CNBD1: variants seen among roughly 807,000 people sequenced by gnomAD.
CNBD1 encodes the protein cyclic nucleotide binding domain containing 1.
Under a neutral mutation model 54.4 loss-of-function variants are expected in CNBD1, and 71 were observed. The ratio of observed to expected loss-of-function variants is 1.30; its 90% confidence interval spans 1.08 to 1.59. The LOEUF (loss-of-function observed/expected upper bound fraction) is 1.59. CNBD1 is among the 40% of genes most tolerant of loss of function. The pLI is 0.00. For missense variants in CNBD1, 659 were observed against 518.0 expected (o/e 1.27, Z -2.64); for synonymous variants, 182 against 170.7 (o/e 1.07, Z -0.51).
At chr8:87,091,004 G>C (rs1163458077) in intron 4 of CNBD1, among the ~76,000 whole-genome samples, 1 of 151,996 alleles carries the variant, frequency 6.6e-6, no homozygotes, top group Non-Finnish European at 1.5e-5. Flanking sequence ...GCCGGGCATG[G>C]TGCTGGGCAC....
chr8:87,368,003 A>G (rs1466558491), intron 10 of CNBD1, among the ~76,000 whole-genome samples: 1 of 151,984 alleles, frequency 6.6e-6, no homozygotes, highest in African/African-American at 2.4e-5. Context: ...CTTTCCTAAA[A>G]AGACAAAAAT....
chr8:86,939,989 A>C (rs1009435204), intron 4 of CNBD1, among the ~76,000 whole-genome samples: 1 of 152,110 alleles, frequency 6.6e-6, no homozygotes, highest in African/African-American at 2.4e-5. Flanking sequence ...CCATTATTTT[A>C]AAATTAAACT....
intron 6 of CNBD1, among the ~76,000 whole-genome samples, chr8:87,281,078 A>G (rs1288355575): frequency 3.3e-5 from 5 of 151,646 alleles, no homozygotes; most frequent in African/African-American, 4.8e-5. Context: ...CAGAATATAA[A>G]GTAGACCATG....
intron 5 of CNBD1, among the ~76,000 whole-genome samples, chr8:87,215,822 C>G (rs1814197886): frequency 6.6e-6 from 1 of 152,130 alleles, no homozygotes; most frequent in Non-Finnish European, 1.5e-5. Context: ...TTGGAACCAT[C>G]ACAGCATCCA....
At chr8:86,978,729 G>T (rs1808401330) in intron 4 of CNBD1, among the ~76,000 whole-genome samples, 1 of 151,726 alleles carries the variant, frequency 6.6e-6, no homozygotes. Context: ...TTTTAGTAGA[G>T]ATGGGGTTTC....
At chr8:87,297,085 G>C (rs1432748304) in intron 8 of CNBD1, among the ~76,000 whole-genome samples, 1 of 149,930 alleles carries the variant, frequency 6.7e-6, no homozygotes, top group Non-Finnish European at 1.5e-5. Context: ...GGCTGAGGCA[G>C]GAGAATGGCG....
chr8:86,948,708 A>G (rs545057554), intron 4 of CNBD1, among the ~76,000 whole-genome samples: 1 of 151,944 alleles, frequency 6.6e-6, no homozygotes, highest in Non-Finnish European at 1.5e-5. Flanking sequence ...CATTCTGTTG[A>G]TTGTCTCTTC....
chr8:87,421,457 G>A (rs1268146857), intron 2 of CNBD1, among the ~76,000 whole-genome samples: 1 of 125,600 alleles, frequency 8.0e-6, no homozygotes, highest in Non-Finnish European at 1.6e-5. Context: ...CCCAGAGTGT[G>A]ATGTTCCCCT....
chr8:86,969,060 G>C (rs978545689), intron 4 of CNBD1, among the ~76,000 whole-genome samples: 3 of 152,292 alleles, frequency 2.0e-5, no homozygotes, highest in Admixed American at 2.0e-4. Flanking sequence ...ATGGGAGACA[G>C]TTTTGTGTGA....
At chr8:87,255,991 ATATATATATATATATATATATATATT>A (rs1808002532) in intron 6 of CNBD1, among the ~76,000 whole-genome samples, 1 of 11,544 alleles carries the variant, frequency 8.7e-5, no homozygotes, top group Non-Finnish European at 1.5e-4. Flanking sequence ...ATATATATAT[ATATATATATATATATATATATATATT>A]TTTTTTTTTT....
intron 4 of CNBD1, among the ~76,000 whole-genome samples, chr8:87,049,723 T>C (rs1213720675): frequency 2.0e-5 from 3 of 152,214 alleles, no homozygotes; most frequent in African/African-American, 7.2e-5. Context: ...TTAACTGAAC[T>C]GCAGATCCTC....
At chr8:86,984,508 A>G (rs764469054) in intron 4 of CNBD1, among the ~76,000 whole-genome samples, 1 of 152,162 alleles carries the variant, frequency 6.6e-6, no homozygotes, top group Admixed American at 6.5e-5. Flanking sequence ...CAGACACTCA[A>G]TGCCAGCCTG....
At chr8:86,970,628 C>T (rs747868090) in intron 4 of CNBD1, among the ~76,000 whole-genome samples, 2 of 152,076 alleles carry the variant, frequency 1.3e-5, no homozygotes, top group Non-Finnish European at 2.9e-5. Flanking sequence ...TGTAGTAGTC[C>T]ACAGTGTCCA....
intron 3 of CNBD1, among the ~76,000 whole-genome samples, chr8:86,931,338 G>C (rs1250669149): frequency 1.3e-5 from 2 of 152,198 alleles, no homozygotes; most frequent in African/African-American, 4.8e-5. Context: ...CTTGCCCTGA[G>C]GACCCTCAGT....
At chr8:87,052,483 A>C (rs1211015135) in intron 4 of CNBD1, among the ~76,000 whole-genome samples, 1 of 152,206 alleles carries the variant, frequency 6.6e-6, no homozygotes, top group Non-Finnish European at 1.5e-5. Flanking sequence ...TAAGCATTCC[A>C]GTATGCACAT....
intron 4 of CNBD1, among the ~76,000 whole-genome samples, chr8:87,051,242 C>T (rs1563450044): frequency 1.3e-5 from 2 of 152,100 alleles, no homozygotes; most frequent in African/African-American, 2.4e-5. Flanking sequence ...GGAGGGAATG[C>T]CTGGATTGGA....
At chr8:87,073,216 A>T (rs191987141) in intron 4 of CNBD1, among the ~76,000 whole-genome samples, 2 of 151,628 alleles carry the variant, frequency 1.3e-5, no homozygotes, top group East Asian at 2.0e-4. Flanking sequence ...TTTAATCATG[A>T]TTCTTAGCTC....
chr8:87,411,972 T>C (rs892146495), intron 2 of CNBD1, among the ~76,000 whole-genome samples: 3 of 152,008 alleles, frequency 2.0e-5, no homozygotes, highest in Admixed American at 2.0e-4. Flanking sequence ...TTGTTTTTCT[T>C]ATTACTACAA....
At chr8:87,244,470 G>A (rs547457718) in intron 6 of CNBD1, among the ~76,000 whole-genome samples, 1 of 152,226 alleles carries the variant, frequency 6.6e-6, no homozygotes, top group South Asian at 2.1e-4. Flanking sequence ...GATCAAGTCA[G>A]GGCATTTAGG....
Sources: allele counts gnomAD v4.1 joint callset (sites outside exome capture counted in the v4.1 genomes callset), GRCh38; gene constraint gnomAD v4.1.1; transcripts MANE v1.5; gene names NCBI Gene and HGNC (gene_info 2026-07-23, HGNC 2026-07-21).